The following PRKN variants were observed in gnomAD, a reference collection of about 807,000 sequenced individuals.
PRKN encodes the protein E3 ubiquitin-protein ligase parkin.
A neutral mutation model predicts 59.5 loss-of-function variants in PRKN; 56 were observed. The observed-to-expected ratio is 0.94, with a 90% CI of 0.76 to 1.18. The LOEUF (loss-of-function observed/expected upper bound fraction) is 1.18, where lower values mean the gene tolerates loss of function less well. Among genes scored for constraint, PRKN ranks in the 50% most tolerant of loss-of-function variants. PRKN has a pLI of 0.00. For synonymous variants in PRKN, 250 were observed against 222.1 expected, an observed-to-expected ratio of 1.13 and a Z score of -1.12; for missense variants, 657 against 596.4, an observed-to-expected ratio of 1.10 and a Z score of -1.06.
intron 2 of PRKN, among the ~76,000 whole-genome samples, chr6:162,377,452 T>G (rs1483226404): frequency 6.6e-6 from 1 of 152,234 alleles, no homozygotes; most frequent in Non-Finnish European, 1.5e-5. Context: ...TTGAGTGCCC[T>G]GACGGGGGCC....
In PRKN at chr6:161,597,620, C is replaced by T. The variant is rs575760387; in HGVS notation, c.872-28204G>A. Among the ~76,000 whole-genome samples, 5 of 152,284 alleles carry T rather than the reference C, an allele frequency of 3.3e-5. No individual in the cohort carries two copies. In the South Asian group the frequency reaches 8.3e-4, roughly 25 times the overall value. ...GCCCTCCACCCCCGACTCTCTCTCT[C>T]TCTCTCTGGAGTGGAGAAGGGACAA... On this transcript the variant is annotated intron_variant, in intron 7 of 11. Coordinates refer to ENST00000366898, the MANE Select transcript of PRKN (RefSeq NM_004562.3).
chr6:162,281,427 T>A (rs1338078309), intron 2 of PRKN, among the ~76,000 whole-genome samples: 4 of 150,488 alleles, frequency 2.7e-5, no homozygotes, highest in African/African-American at 7.4e-5. Flanking sequence ...AAAAAAAAAA[T>A]AAGAAAATAA....
Position 161,361,023 on chromosome 6 carries a change from C to T in PRKN, c.1168-818G>A, listed in dbSNP as rs1784958043. On this transcript the variant is annotated intron_variant, in intron 10 of 11. Transcript: ENST00000366898. This position sits in a 1 kb window ranked among gnomAD's most constrained non-coding sequence, Gnocchi z 5.2. ...ACATTTGCTGACATTATTCATGTCA[C>T]CGAGAGCTGGGTGCTGCCTGCACCA... Among the ~76,000 whole-genome samples, 1 of 152,028 alleles carries T rather than the reference C, an allele frequency of 6.6e-6. No individual in the cohort carries two copies.
chr6:162,223,514 T>C (rs1371815455), intron 3 of PRKN, among the ~76,000 whole-genome samples: 1 of 151,878 alleles, frequency 6.6e-6, no homozygotes, highest in Admixed American at 6.6e-5. Context: ...GGATGAAGAA[T>C]TCTACAGGCT....
intron 1 of PRKN, among the ~76,000 whole-genome samples, chr6:162,489,565 A>G (rs748771913): frequency 6.6e-6 from 1 of 152,204 alleles, no homozygotes; most frequent in Non-Finnish European, 1.5e-5. Flanking sequence ...TTTTACGCAA[A>G]ACCGCACTTT....
chr6:162,276,923 G>A (rs1207339121), intron 2 of PRKN, among the ~76,000 whole-genome samples: 2 of 151,922 alleles, frequency 1.3e-5, no homozygotes, highest in Non-Finnish European at 2.9e-5. Flanking sequence ...GGTCCCACTG[G>A]CCAAGTTTGG....
intron 4 of PRKN, among the ~76,000 whole-genome samples, chr6:162,123,007 T>TAA (rs34578897): frequency 9.7e-4 from 133 of 136,928 alleles, no homozygotes; most frequent in African/African-American, 2.1e-3. Flanking sequence ...CAAAAATAGT[T>TAA]AAAAAAAAAA....
intron 2 of PRKN, among the ~76,000 whole-genome samples, chr6:162,347,924 G>C (rs144743023): frequency 1.3e-5 from 2 of 152,148 alleles, no homozygotes; most frequent in South Asian, 4.1e-4. Context: ...CCTTGAGAGC[G>C]TTTCCAGGCT....
chr6:161,950,385 A>C (rs1790015), intron 6 of PRKN, among the ~76,000 whole-genome samples: 37,205 of 152,014 alleles, frequency 0.24, 5,183 homozygotes, highest in East Asian at 0.31. Context: ...TCTCTACAAA[A>C]AATACAAAAA....
At chr6:162,544,681 T>G (rs1437354788) in intron 1 of PRKN, among the ~76,000 whole-genome samples, 2 of 138,182 alleles carry the variant, frequency 1.4e-5, no homozygotes, top group East Asian at 4.2e-4. Context: ...GATTTTTTTT[T>G]TTTTTTTTTT....
At chr6:162,261,659 C>G (rs1779892767) in intron 3 of PRKN, among the ~76,000 whole-genome samples, 1 of 152,136 alleles carries the variant, frequency 6.6e-6, no homozygotes, top group African/African-American at 2.4e-5. Flanking sequence ...AGCAGAGCCT[C>G]TTTCCCTCCC....
At chr6:161,996,420 T>G (rs752801583) in intron 5 of PRKN, among the ~76,000 whole-genome samples, 7 of 152,154 alleles carry the variant, frequency 4.6e-5, no homozygotes, top group Admixed American at 2.6e-4. Flanking sequence ...TCTACATACT[T>G]TACTTTAAAC....
At chr6:162,065,278 TC>T (rs1311938118) in intron 4 of PRKN, among the ~76,000 whole-genome samples, 1 of 152,050 alleles carries the variant, frequency 6.6e-6, no homozygotes, top group Non-Finnish European at 1.5e-5. Flanking sequence ...CTGGTGTAAA[TC>T]TAAGAGTCCA....
chr6:162,100,841 G>A (rs1417642505), intron 4 of PRKN, among the ~76,000 whole-genome samples: 4 of 152,152 alleles, frequency 2.6e-5, no homozygotes, highest in Non-Finnish European at 5.9e-5. Flanking sequence ...ATGATGTGGA[G>A]TATTTTTTCA....
intron 4 of PRKN, among the ~76,000 whole-genome samples, chr6:162,062,211 G>C (rs1474250301): frequency 6.6e-6 from 1 of 152,208 alleles, no homozygotes; most frequent in Non-Finnish European, 1.5e-5. Flanking sequence ...GATGTAGTAT[G>C]ACTATTCAGT....
At chr6:162,440,688 C>T (rs929690733) in intron 2 of PRKN, among the ~76,000 whole-genome samples, 3 of 152,134 alleles carry the variant, frequency 2.0e-5, no homozygotes, top group Non-Finnish European at 4.4e-5. Flanking sequence ...CTCTTCTTCT[C>T]TTCAGGACAC....
At chr6:161,841,586 G>A (rs1045797420) in intron 6 of PRKN, among the ~76,000 whole-genome samples, 13 of 152,080 alleles carry the variant, frequency 8.5e-5, no homozygotes, top group Non-Finnish European at 1.5e-4. Context: ...CTGACCTCAG[G>A]TGATCTGCCC....
At chr6:161,918,637 C>G (rs952948622) in intron 6 of PRKN, among the ~76,000 whole-genome samples, 1 of 152,096 alleles carries the variant, frequency 6.6e-6, no homozygotes, top group South Asian at 2.1e-4. Flanking sequence ...AAATGCTTAA[C>G]GAACTCAGTG....
At chr6:162,659,761 A>T (rs1316271926) in intron 1 of PRKN, among the ~76,000 whole-genome samples, 1 of 152,148 alleles carries the variant, frequency 6.6e-6, no homozygotes, top group Non-Finnish European at 1.5e-5. Flanking sequence ...TTTCATAAAA[A>T]ATTACATTAT....
Sources: gnomAD v4.1 joint callset for allele counts (sites outside exome capture counted in the v4.1 genomes callset) on GRCh38, gnomAD v4.1.1 for gene constraint, Gnocchi (gnomAD v3.1) non-coding constraint, MANE v1.5 for transcripts, NCBI Gene and HGNC (gene_info 2026-07-23, HGNC 2026-07-21) for gene names.